Variants in GJB3 observed in about 807,000 individuals in gnomAD.
The protein encoded by GJB3 is gap junction beta-3 protein.
GJB3 carries 6 observed loss-of-function variants against 8.1 expected under a neutral mutation model. That is an observed-to-expected ratio of 0.75 (90% CI 0.41 to 1.47). The LOEUF (loss-of-function observed/expected upper bound fraction) is 1.47. Among genes scored for constraint, GJB3 ranks in the 40% most tolerant of loss-of-function variants. GJB3 has a pLI of 0.02. For synonymous variants in GJB3, 137 were observed against 156.4 expected, an observed-to-expected ratio of 0.88 and a Z score of 0.93; for missense variants, 348 against 365.6, an observed-to-expected ratio of 0.95 and a Z score of 0.39.
In GJB3 at chr1:34,781,431, G is replaced by C. The variant is rs1557658211; in HGVS notation, c.-373G>C. On this transcript the variant is annotated 5_prime_UTR_variant, in exon 1 of 2. Coordinates refer to ENST00000373366, the MANE Select transcript of GJB3 (RefSeq NM_024009.3). This position sits in a 1 kb window ranked among gnomAD's most constrained non-coding sequence, Gnocchi z 6.2. The stretch of plus-strand genomic sequence containing the variant: ...CGGCAAACTAGCGTGGGCGAGTCCT[G>C]ATTGCAGTCGGACCTGCCGCCGCGG... The C allele has an allele frequency of 6.6e-6, 1 of 152,294 alleles. No homozygotes were observed. Among genetic ancestry groups the C allele is most frequent in the Non-Finnish European group, 1.5e-5 (1 of 68,104 alleles). 9.4% of individuals were successfully genotyped at this position (152,294 alleles called of 1,614,324 possible). A position where few individuals can be genotyped will look rare whatever the true frequency, so the allele number is the denominator to read the frequency against.
In GJB3 at chr1:34,785,671, C is replaced by T. The variant is rs933012421; in HGVS notation, c.*96C>T. 3.0e-5 allele frequency: 29 copies of T among 955,844 alleles called. No homozygotes were observed. The highest frequency in any genetic ancestry group is 4.4e-5 in the Admixed American group (2 of 45,528). The allele number at this position is 955,844 out of a possible 1,614,324, so 59.2% of individuals were successfully genotyped here. A position where few individuals can be genotyped will look rare whatever the true frequency, so the allele number is the denominator to read the frequency against. ...GTCCTACAGGGGCTGAGTGACCCCA[C>T]TCTGAGTTCACTAAGTTATGCAACT... On this transcript the variant is annotated 3_prime_UTR_variant, in exon 2 of 2. Transcript: ENST00000373366. The surrounding 1 kb of genome is among the most constrained non-coding windows in gnomAD (Gnocchi z 4.7).
intron 1 of GJB3, 135 bp from the exon 2 acceptor site, chr1:34,784,603 A>G: frequency 1.5e-6 from 1 of 675,550 alleles, no homozygotes. Context: ...GCTTGGGAGG[A>G]ATAACAGTTC....
Position 34,784,815 on chromosome 1 carries a change from C to T in GJB3, c.53C>T (p.Thr18Ile), listed in dbSNP as rs755025684. 62 of 1,614,132 alleles carry T rather than the reference C, an allele frequency of 3.8e-5. No individual in the cohort carries two copies. The South Asian group carries it at 5.6e-4, about 15-fold the overall frequency. ...CTGAGCGGTGTGAACAAGTACTCCA[C>T]AGCGTTCGGGCGCATCTGGCTGTCC... ...ALLSGVNKYS[T>I]AFGRIWLSVV... Residue 18 changes from threonine to isoleucine, a missense_variant, in exon 2 of 2, where the codon ACA becomes ATA. Thr to Ile is a moderately conservative substitution (Grantham distance 89). Transcript: ENST00000373366.
chr1:34,785,097 A>G lies in GJB3; in HGVS notation c.335A>G (p.Gln112Arg). Residue 112 changes from glutamine (Q) to arginine (R), a missense_variant, in exon 2 of 2, where the codon CAG (glutamine) becomes CGG (arginine). By Grantham distance (43) the Gln-to-Arg change is conservative. Coordinates refer to ENST00000373366, the MANE Select transcript of GJB3 (RefSeq NM_024009.3). This position sits in a 1 kb window ranked among gnomAD's most constrained non-coding sequence, Gnocchi z 4.7. ...CGGCACCGCCAGAAACACGGGGACC[A>G]GTGCGCCAAGCTGTACGACAACGCA... ...ERRHRQKHGD[Q>R]CAKLYDNAGK... The G allele has an allele frequency of 5.6e-6, 9 of 1,614,132 alleles. No homozygotes were observed. The highest frequency in any genetic ancestry group is 7.6e-6 in the Non-Finnish European group (9 of 1,180,026).
rs1185581395 is a variant in GJB3 at position 34,784,794 on chromosome 1, G to T, written c.32G>T (p.Ser11Ile). 1.9e-6 allele frequency: 3 copies of T among 1,614,196 alleles called. No homozygotes were observed. In the South Asian group the frequency reaches 3.3e-5, roughly 18 times the overall value. The change falls in exon 2 of 2, where the codon AGC becomes ATC. Residue 11 changes from serine to isoleucine, a missense_variant. By Grantham distance (142) the Ser-to-Ile change is moderately radical. Coordinates refer to ENST00000373366, the MANE Select transcript of GJB3 (RefSeq NM_024009.3). The stretch of plus-strand genomic sequence containing the variant: ...TGGAAGACACTCCAGGCCCTACTGA[G>T]CGGTGTGAACAAGTACTCCACAGCG... MDWKTLQALL[S>I]GVNKYSTAFG... is the part of the protein sequence containing the mutation.
Position 34,781,958 on chromosome 1 carries a change from A to G in GJB3, c.-26+180A>G, listed in dbSNP as rs1640017937. 6.6e-6 allele frequency among the ~76,000 whole-genome samples: 1 copy of G among 152,132 alleles called. No individual in the cohort carries two copies. Among genetic ancestry groups the G allele is most frequent in the African/African-American group, 2.4e-5 (1 of 41,444 alleles). The stretch of plus-strand genomic sequence containing the variant: ...TCTCAATCCTCCCTCTCGCCTCTCA[A>G]TTCTGGGCCCATTAGGGGTCCCGGC... On this transcript the variant is annotated intron_variant, in intron 1 of 1. Coordinates refer to ENST00000373366, the MANE Select transcript of GJB3 (RefSeq NM_024009.3). The surrounding 1 kb of genome is among the most constrained non-coding windows in gnomAD (Gnocchi z 6.2).
chr1:34,784,720 T>C lies in GJB3; in HGVS notation c.-25-18T>C. 6.6e-7 allele frequency: 1 copy of C among 1,523,924 alleles called. No individual in the cohort carries two copies. The highest frequency in any genetic ancestry group is 9.1e-7 in the Non-Finnish European group (1 of 1,102,466). The allele number at this position is 1,523,924 out of a possible 1,614,324, so 94.4% of individuals were successfully genotyped here. ...CACCTATTCATTCATACGATGGTTTTTCCTCTAATTCTCTCAGGTAGGCAC... is the reference window on the plus strand; with the variant it reads ...CACCTATTCATTCATACGATGGTTTCTCCTCTAATTCTCTCAGGTAGGCAC... On this transcript the variant is annotated intron_variant, in intron 1 of 1. Coordinates refer to ENST00000373366, the MANE Select transcript of GJB3 (RefSeq NM_024009.3).
chr1:34,785,102 GC>G lies in GJB3; in HGVS notation c.342del (p.Lys115SerfsTer153), dbSNP rs748575478. 69 of 1,614,046 alleles carry G rather than the reference GC, an allele frequency of 4.3e-5. No individual in the cohort carries two copies. The highest frequency in any genetic ancestry group is 1.9e-4 in the South Asian group (17 of 91,080). ...RHRQKHGDQC[A>X]KLYDNAGKKH... ...CCGCCAGAAACACGGGGACCAGTGC[GC>G]CAAGCTGTACGACAACGCAGGCAAG... On this transcript the variant is annotated frameshift_variant, in exon 2 of 2. Coordinates refer to ENST00000373366, the MANE Select transcript of GJB3 (RefSeq NM_024009.3). LOFTEE classifies it low-confidence loss of function (END_TRUNC). This position sits in a 1 kb window ranked among gnomAD's most constrained non-coding sequence, Gnocchi z 4.7.
chr1:34,785,435 G>C lies in GJB3; in HGVS notation c.673G>C (p.Gly225Arg). The C allele has an allele frequency of 6.2e-7, 1 of 1,614,028 alleles. No individual in the cohort carries two copies. The highest frequency in any genetic ancestry group is 8.5e-7 in the Non-Finnish European group (1 of 1,179,972). ...AGGCCTGCACAAGGACAAGCCTCGA[G>C]GGGGTTGCAGCCCCTCGTCCTCCGC... is the stretch of plus-strand genomic sequence containing the variant. The part of the protein sequence containing the change: ...LRGLHKDKPR[G>R]GCSPSSSASR... Residue 225 changes from glycine (G) to arginine (R), a missense_variant, in exon 2 of 2, where the codon GGG (glycine) becomes CGG (arginine). Transcript: ENST00000373366. This position sits in a 1 kb window ranked among gnomAD's most constrained non-coding sequence, Gnocchi z 4.7.
rs1640099211 is a variant in GJB3 at position 34,785,525 on chromosome 1, C to T, written c.763C>T (p.Pro255Ser). 6.2e-6 allele frequency: 10 copies of T among 1,614,068 alleles called. No homozygotes were observed. The highest frequency in any genetic ancestry group is 8.5e-6 in the Non-Finnish European group (10 of 1,180,024). ...LVEAGEVDPD[P>S]GNNKLQASAP... is the part of the protein sequence containing the mutation. The stretch of plus-strand genomic sequence containing the variant: ...GGAGGCTGGGGAGGTGGATCCAGAC[C>T]CAGGCAATAACAAGCTGCAGGCTTC... The change falls in exon 2 of 2, where the codon CCA becomes TCA. Residue 255 changes from proline to serine, a missense_variant. Coordinates refer to ENST00000373366, the MANE Select transcript of GJB3 (RefSeq NM_024009.3). The surrounding 1 kb of genome is among the most constrained non-coding windows in gnomAD (Gnocchi z 4.7).
rs1640072717 is a variant in GJB3, at chr1:34,784,834, G to A, written c.72G>A (p.Trp24Ter). 4.3e-6 allele frequency: 7 copies of A among 1,614,238 alleles called. No homozygotes were observed. Among genetic ancestry groups the A allele is most frequent in the Non-Finnish European group, 5.1e-6 (6 of 1,180,030 alleles). The change falls in exon 2 of 2, where the codon TGG becomes TGA. Residue 24 changes from tryptophan to a stop codon, truncating the protein, a stop_gained. Transcript: ENST00000373366. LOFTEE classifies it high-confidence loss of function. ...ACTCCACAGCGTTCGGGCGCATCTGGCTGTCCGTGGTGTTCGTCTTCCGGG... is the reference window on the plus strand; with the variant it reads ...ACTCCACAGCGTTCGGGCGCATCTGACTGTCCGTGGTGTTCGTCTTCCGGG... The part of the protein sequence containing the change: ...NKYSTAFGRI[W>*]LSVVFVFRVL...
At chr1:34,783,379 A>C (rs1212786753) in intron 1 of GJB3, among the ~76,000 whole-genome samples, 1 of 152,218 alleles carries the variant, frequency 6.6e-6, no homozygotes, top group Non-Finnish European at 1.5e-5. Context: ...GGATCCACCC[A>C]TGTGAGGTTC....
At position 34,785,098 on chromosome 1, in the gene GJB3, G is replaced by A; in HGVS notation, c.336G>A (p.Gln112=). The A allele has an allele frequency of 1.9e-6, 3 of 1,614,140 alleles. No homozygotes were observed. Among genetic ancestry groups the A allele is most frequent in the Non-Finnish European group, 2.5e-6 (3 of 1,180,046 alleles). ...ERRHRQKHGD[Q]CAKLYDNAGK... The stretch of plus-strand genomic sequence containing the variant: ...GGCACCGCCAGAAACACGGGGACCA[G>A]TGCGCCAAGCTGTACGACAACGCAG... Residue 112 remains glutamine (Q), a synonymous_variant, in exon 2 of 2, where the codon CAG becomes CAA. Transcript: ENST00000373366. This position sits in a 1 kb window ranked among gnomAD's most constrained non-coding sequence, Gnocchi z 4.7.
chr1:34,785,491 C>T lies in GJB3; in HGVS notation c.729C>T (p.His243=). 6.2e-7 allele frequency: 1 copy of T among 1,614,122 alleles called. No homozygotes were observed. Among genetic ancestry groups the T allele is most frequent in the Non-Finnish European group, 8.5e-7 (1 of 1,179,984 alleles). ...ASRASTCRCH[H]KLVEAGEVDP... is the part of the protein sequence containing the mutation. The stretch of plus-strand genomic sequence containing the variant: ...GAGCTTCCACCTGCCGCTGCCACCA[C>T]AAGCTGGTGGAGGCTGGGGAGGTGG... Residue 243 remains histidine, a synonymous_variant, in exon 2 of 2, where the codon CAC becomes CAT. Transcript: ENST00000373366. The surrounding 1 kb of genome is among the most constrained non-coding windows in gnomAD (Gnocchi z 4.7).
Position 34,784,898 on chromosome 1 carries a change from G to A in GJB3, c.136G>A (p.Asp46Asn), listed in dbSNP as rs756155981. The change falls in exon 2 of 2, where the codon GAT becomes AAT. Residue 46 changes from aspartate to asparagine, a missense_variant. Transcript: ENST00000373366. ...YVVAAERVWG[D>N]EQKDFDCNTK... is the part of the protein sequence containing the mutation. ...GGTGGCTGCAGAGCGCGTGTGGGGG[G>A]ATGAGCAGAAGGACTTTGACTGCAA... The A allele has an allele frequency of 1.2e-6, 2 of 1,614,130 alleles. No homozygotes were observed. The highest frequency in any genetic ancestry group is 1.1e-5 in the South Asian group (1 of 91,086).
rs759343166 is a variant in GJB3 at position 34,784,986 on chromosome 1, G to A, written c.224G>A (p.Arg75His). ...AACTACTTCCCCATCTCCAACATCC[G>A]CCTCTGGGCCCTGCAGCTCATCTTC... ...YDNYFPISNI[R>H]LWALQLIFVT... The change falls in exon 2 of 2, where the codon CGC becomes CAC. Residue 75 changes from arginine to histidine, a missense_variant. Coordinates refer to ENST00000373366, the MANE Select transcript of GJB3 (RefSeq NM_024009.3). The A allele has an allele frequency of 4.5e-5, 72 of 1,614,004 alleles. No homozygotes were observed. The highest frequency in any genetic ancestry group is 5.5e-5 in the Non-Finnish European group (65 of 1,180,024).
rs756737667 is a variant in GJB3 at position 34,785,253 on chromosome 1, G to A, written c.491G>A (p.Cys164Tyr). 3.1e-6 allele frequency: 5 copies of A among 1,613,928 alleles called. No homozygotes were observed. The highest frequency in any genetic ancestry group is 4.2e-6 in the Non-Finnish European group (5 of 1,180,014). Reference protein sequence around the residue: ...HGFNMPRLVQCANVAPCPNIV... With the variant: ...HGFNMPRLVQYANVAPCPNIV... ...TTCAATATGCCGCGCCTGGTGCAGT[G>A]TGCCAACGTGGCCCCCTGCCCCAAC... Residue 164 changes from cysteine to tyrosine, a missense_variant, in exon 2 of 2, where the codon TGT becomes TAT. Coordinates refer to ENST00000373366, the MANE Select transcript of GJB3 (RefSeq NM_024009.3). The surrounding 1 kb of genome is among the most constrained non-coding windows in gnomAD (Gnocchi z 4.7).
At chr1:34,783,037 C>A (rs146920722) in intron 1 of GJB3, among the ~76,000 whole-genome samples, 1 of 152,186 alleles carries the variant, frequency 6.6e-6, no homozygotes, top group Admixed American at 6.5e-5. Context: ...AAAAAAAGGA[C>A]AAATTCTTTA....
intron 1 of GJB3, among the ~76,000 whole-genome samples, chr1:34,783,811 C>T (rs1640053809): frequency 1.3e-5 from 2 of 152,200 alleles, no homozygotes; most frequent in African/African-American, 4.8e-5. Context: ...CACTCCAGGA[C>T]TGGGAGGAAG....
Sources: allele counts gnomAD v4.1 joint callset (sites outside exome capture counted in the v4.1 genomes callset), GRCh38; gene constraint gnomAD v4.1.1; non-coding constraint Gnocchi (gnomAD v3.1); transcripts MANE v1.5; gene names NCBI Gene and HGNC (gene_info 2026-07-23, HGNC 2026-07-21).